The following SUGCT variants were observed in gnomAD, a reference collection of about 807,000 sequenced individuals.
SUGCT encodes the protein succinyl-CoA:glutarate-CoA transferase.
Under a neutral mutation model 55.0 loss-of-function variants are expected in SUGCT, and 41 were observed. The ratio of observed to expected loss-of-function variants is 0.74; its 90% CI spans 0.58 to 0.97. SUGCT has a LOEUF of 0.97. Among genes scored for constraint, SUGCT ranks in the 50% least tolerant of loss-of-function variants. The pLI, the probability that SUGCT is intolerant of heterozygous loss-of-function variation, is 0.00. For synonymous variants in SUGCT, 187 were observed against 200.4 expected (o/e 0.93, Z 0.56); for missense variants, 568 against 547.8 (o/e 1.04, Z -0.37).
At chr7:40,457,237 C>T (rs995642047) in intron 10 of SUGCT, among the ~76,000 whole-genome samples, 14 of 151,806 alleles carry the variant, frequency 9.2e-5, no homozygotes, top group African/African-American at 2.9e-4. Context: ...GTCAGGAGTT[C>T]GAGACAAGCC....
At chr7:40,520,149 C>A (rs1793451350) in intron 12 of SUGCT, among the ~76,000 whole-genome samples, 1 of 152,076 alleles carries the variant, frequency 6.6e-6, no homozygotes, top group Non-Finnish European at 1.5e-5. Context: ...TCAATTCATA[C>A]TTAGGACATA....
chr7:40,804,307 C>T (rs1053425629), intron 13 of SUGCT, among the ~76,000 whole-genome samples: 2 of 152,120 alleles, frequency 1.3e-5, no homozygotes, highest in Non-Finnish European at 2.9e-5. Context: ...ATTTTTCCCT[C>T]TTCAGGTATA....
At chr7:40,959,865 C>T in the SUGCT span, among the ~76,000 whole-genome samples, 1 of 152,192 alleles carries the variant, frequency 6.6e-6, no homozygotes, top group Non-Finnish European at 1.5e-5. Flanking sequence ...AGCATAGTAT[C>T]TGGGCCAGAG....
At chr7:40,952,197 C>G in the SUGCT span, among the ~76,000 whole-genome samples, 625 of 152,270 alleles carry the variant, frequency 4.1e-3, 2 homozygotes, top group African/African-American at 0.013. Flanking sequence ...CATCCCTTTA[C>G]TATTATGTAA....
At chr7:40,734,007 T>C (rs973695681) in intron 12 of SUGCT, among the ~76,000 whole-genome samples, 4 of 152,220 alleles carry the variant, frequency 2.6e-5, no homozygotes, top group African/African-American at 7.2e-5. Context: ...CATATTCTTG[T>C]GGACTTACTA....
At chr7:40,226,905 G>A (rs1788400226) in intron 6 of SUGCT, among the ~76,000 whole-genome samples, 1 of 151,326 alleles carries the variant, frequency 6.6e-6, no homozygotes, top group African/African-American at 2.4e-5. Flanking sequence ...CAAAACTTTT[G>A]TCTCAAACAA....
chr7:40,891,097 T>A, the SUGCT span, among the ~76,000 whole-genome samples: 1 of 152,020 alleles, frequency 6.6e-6, no homozygotes, highest in East Asian at 1.9e-4. Flanking sequence ...GACAGGTCAT[T>A]TGGGATTTCC....
At chr7:40,414,544 A>G (rs1786862441) in intron 9 of SUGCT, among the ~76,000 whole-genome samples, 1 of 152,054 alleles carries the variant, frequency 6.6e-6, no homozygotes, top group East Asian at 1.9e-4. Flanking sequence ...TTTAACAACA[A>G]TGTATCAAAG....
At chr7:40,491,512 A>T (rs931231859) in intron 11 of SUGCT, among the ~76,000 whole-genome samples, 1 of 152,154 alleles carries the variant, frequency 6.6e-6, no homozygotes, top group African/African-American at 2.4e-5. Context: ...ATGCTAATGC[A>T]TCTGAATGGA....
At position 40,185,775 on chromosome 7, in the gene SUGCT, G is replaced by A. The variant is rs138542160; in HGVS notation, c.227-2720G>A. Among the ~76,000 whole-genome samples, 393 of 152,082 alleles carry A rather than the reference G, an allele frequency of 2.6e-3. 4 individuals are homozygous for A. The highest frequency in any genetic ancestry group is 3.5e-3 in the Non-Finnish European group (237 of 67,988). On this transcript the variant is annotated intron_variant, in intron 3 of 13. Transcript: ENST00000335693. The stretch of plus-strand genomic sequence containing the variant: ...TGACCTCAGGTGATCCACACACCTC[G>A]GCCTCCCAAAGTGCTGGGATTACAG...
At chr7:40,459,844 T>C (rs1318920588) in intron 11 of SUGCT, among the ~76,000 whole-genome samples, 2 of 152,232 alleles carry the variant, frequency 1.3e-5, no homozygotes, top group East Asian at 1.9e-4. Flanking sequence ...CCTGTACCAA[T>C]TTTTCAAGTT....
intron 12 of SUGCT, among the ~76,000 whole-genome samples, chr7:40,502,039 G>A (rs964480116): frequency 5.3e-5 from 8 of 152,014 alleles, no homozygotes; most frequent in Non-Finnish European, 7.4e-5. Flanking sequence ...GAAGATAATG[G>A]AGGGTTTCAG....
Position 40,279,022 on chromosome 7 carries a change from T to TGG in SUGCT, c.720+4372_720+4373dup, listed in dbSNP as rs11390733. ...TTGTATTTTTTTTTTTTTTTAGAGA[T>TGG]GGGGGGGTCTGACTGTGTTGTCCAG... On this transcript the variant is annotated intron_variant, in intron 8 of 13. Coordinates refer to ENST00000335693, the MANE Select transcript of SUGCT (RefSeq NM_001193313.2). 4.3e-3 allele frequency among the ~76,000 whole-genome samples: 632 copies of TGG among 146,940 alleles called. 5 individuals are homozygous for TGG. The highest frequency in any genetic ancestry group is 0.015 in the African/African-American group (577 of 39,696).
intron 6 of SUGCT, among the ~76,000 whole-genome samples, chr7:40,216,857 A>G (rs1241391185): frequency 2.8e-5 from 4 of 144,774 alleles, no homozygotes; most frequent in Middle Eastern, 3.6e-3. Flanking sequence ...TTCCATCTCG[A>G]AAAAAAAAAA....
chr7:40,612,280 G>A (rs1798804165), intron 12 of SUGCT, among the ~76,000 whole-genome samples: 1 of 152,140 alleles, frequency 6.6e-6, no homozygotes, highest in Admixed American at 6.5e-5. Flanking sequence ...GGAATATGTG[G>A]CTCATAGTAA....
intron 12 of SUGCT, among the ~76,000 whole-genome samples, chr7:40,631,925 G>A (rs1006509250): frequency 6.6e-6 from 1 of 152,148 alleles, no homozygotes. Flanking sequence ...ATAATCCAGG[G>A]TCATCCCCAA....
At chr7:40,968,341 C>T in the SUGCT span, among the ~76,000 whole-genome samples, 1 of 152,208 alleles carries the variant, frequency 6.6e-6, no homozygotes, top group African/African-American at 2.4e-5. Context: ...ACAGTGGAAC[C>T]GTGTCTGCCG....
At chr7:40,605,590 A>T (rs1221858789) in intron 12 of SUGCT, among the ~76,000 whole-genome samples, 1 of 152,178 alleles carries the variant, frequency 6.6e-6, no homozygotes, top group African/African-American at 2.4e-5. Flanking sequence ...TGTAGAGAGC[A>T]GTCAGAAATG....
intron 13 of SUGCT, among the ~76,000 whole-genome samples, chr7:40,805,735 C>A (rs930925759): frequency 2.0e-5 from 3 of 152,190 alleles, no homozygotes; most frequent in Admixed American, 2.0e-4. Context: ...GCAATTGTGG[C>A]CATGAGGGTA....
Sources: gnomAD v4.1 joint callset for allele counts (sites outside exome capture counted in the v4.1 genomes callset) on GRCh38, gnomAD v4.1.1 for gene constraint, MANE v1.5 for transcripts, NCBI Gene and HGNC (gene_info 2026-07-23, HGNC 2026-07-21) for gene names.